The following PDE1C variants were observed in gnomAD, a reference collection of about 807,000 sequenced individuals.
PDE1C encodes phosphodiesterase 1C, also known as dual specificity calcium/calmodulin-dependent 3',5'-cyclic nucleotide phosphodiesterase 1C.
In PDE1C, 62 loss-of-function variants were observed where a neutral mutation model predicts 93.1. That is an observed-to-expected ratio of 0.67 (90% confidence interval 0.54 to 0.82). The LOEUF (loss-of-function observed/expected upper bound fraction) is 0.82, where lower values mean the gene tolerates loss of function less well. Ranked by LOEUF, PDE1C falls within the 40% of genes least tolerant of loss-of-function variation. The pLI, the probability that PDE1C is intolerant of heterozygous loss-of-function variation, is 0.00. For missense variants in PDE1C, 742 were observed against 884.6 expected, an observed-to-expected ratio of 0.84 and a Z score of 2.04; for synonymous variants, 325 against 310.1, an observed-to-expected ratio of 1.05 and a Z score of -0.50.
chr7:31,637,135 G>A, the PDE1C span, among the ~76,000 whole-genome samples: 178 of 151,784 alleles, frequency 1.2e-3, no homozygotes, highest in Admixed American at 1.8e-3. Flanking sequence ...CCAGTCTATC[G>A]TTGTTGGACA....
intron 3 of PDE1C, among the ~76,000 whole-genome samples, chr7:32,133,977 A>G (rs903203229): frequency 6.6e-6 from 1 of 151,852 alleles, no homozygotes; most frequent in African/African-American, 2.4e-5. Flanking sequence ...CATAATAGGA[A>G]TTTTAGAATT....
At position 32,130,630 on chromosome 7, in the gene PDE1C, A is replaced by G. The variant is rs1402748777; in HGVS notation, c.308+39155T>C. Reference sequence around the variant, plus strand: ...TCACTTCCTTAACTCCCTATGGTCCATCTTACAAACTCTTCTTGTCCCTGT... The same window carrying G: ...TCACTTCCTTAACTCCCTATGGTCCGTCTTACAAACTCTTCTTGTCCCTGT... On this transcript the variant is annotated intron_variant, in intron 3 of 18. Coordinates refer to the PDE1C transcript ENST00000396193. Among the ~76,000 whole-genome samples, 4 of 152,022 alleles carry G rather than the reference A, an allele frequency of 2.6e-5. No individual in the cohort carries two copies. The East Asian group carries it at 5.8e-4, about 22-fold the overall frequency.
chr7:32,321,343 T>C (rs1585107796), intron 1 of PDE1C, among the ~76,000 whole-genome samples: 1 of 152,182 alleles, frequency 6.6e-6, no homozygotes, highest in African/African-American at 2.4e-5. Context: ...TGACAATAAA[T>C]GTAGGAGGAG....
At chr7:31,890,848 AC>A (rs1450658836) in intron 2 of PDE1C, among the ~76,000 whole-genome samples, 1 of 152,122 alleles carries the variant, frequency 6.6e-6, no homozygotes, top group African/African-American at 2.4e-5. Flanking sequence ...ACCGTGAGAA[AC>A]CTCTAAGGTG....
At chr7:32,387,708 G>A (rs1215701280) in intron 1 of PDE1C, among the ~76,000 whole-genome samples, 93 of 140,076 alleles carry the variant, frequency 6.6e-4, no homozygotes, top group South Asian at 1.5e-3. Flanking sequence ...TCCCGGACGG[G>A]GCGGCTGGCC....
intron 2 of PDE1C, among the ~76,000 whole-genome samples, chr7:32,007,333 C>T (rs1209530951): frequency 1.3e-5 from 2 of 152,156 alleles, no homozygotes; most frequent in Non-Finnish European, 2.9e-5. Flanking sequence ...GCACGTCTAC[C>T]ACACTGGCCT....
At chr7:32,361,262 G>C (rs7811011) in intron 1 of PDE1C, among the ~76,000 whole-genome samples, 9,609 of 152,264 alleles carry the variant, frequency 0.063, 364 homozygotes, top group East Asian at 0.099. Flanking sequence ...TTTCACGGTA[G>C]GTGCAAAGGC....
intron 3 of PDE1C, among the ~76,000 whole-genome samples, chr7:32,110,116 T>C (rs1482634488): frequency 5.9e-5 from 9 of 152,216 alleles, no homozygotes; most frequent in Non-Finnish European, 1.3e-4. Flanking sequence ...AGCCTGCTAC[T>C]GCTTTTGTAA....
chr7:31,720,169 C>CAAAAAAAAAA, the PDE1C span, among the ~76,000 whole-genome samples: 2 of 50,128 alleles, frequency 4.0e-5, no homozygotes, highest in Non-Finnish European at 7.4e-5. Flanking sequence ...GACTCCGTCT[C>CAAAAAAAAAA]AAAAAAAAAA....
At chr7:31,821,031 T>C (rs1294789028) in intron 14 of PDE1C, 1 of 150,306 alleles carries the variant, frequency 6.7e-6, no homozygotes, top group Non-Finnish European at 1.5e-5. Flanking sequence ...CAATTCTCTC[T>C]CCCCTTCCCT....
At chr7:31,994,338 T>C (rs1784473650) in intron 2 of PDE1C, among the ~76,000 whole-genome samples, 1 of 152,188 alleles carries the variant, frequency 6.6e-6, no homozygotes, top group African/African-American at 2.4e-5. Flanking sequence ...AATTGAGGCA[T>C]TTCAAAATAA....
intron 2 of PDE1C, among the ~76,000 whole-genome samples, chr7:32,008,152 C>T (rs999299641): frequency 4.6e-4 from 70 of 152,286 alleles, no homozygotes; most frequent in African/African-American, 1.6e-3. Flanking sequence ...GAGCTACATG[C>T]CAGATATAAA....
intron 2 of PDE1C, among the ~76,000 whole-genome samples, chr7:31,984,112 G>A (rs1005470414): frequency 2.0e-5 from 3 of 152,070 alleles, no homozygotes; most frequent in Non-Finnish European, 4.4e-5. Context: ...CTAGATCAGG[G>A]GTCCGCAAAC....
At chr7:32,130,462 A>G (rs868193644) in intron 3 of PDE1C, among the ~76,000 whole-genome samples, 1 of 152,032 alleles carries the variant, frequency 6.6e-6, no homozygotes, top group Middle Eastern at 3.2e-3. Context: ...TATTCTGGAA[A>G]AAGTACCTCA....
At chr7:31,731,679 C>T in the PDE1C span, among the ~76,000 whole-genome samples, 3 of 152,310 alleles carry the variant, frequency 2.0e-5, no homozygotes, top group Non-Finnish European at 2.9e-5. Context: ...TGAGCCACTG[C>T]GCCTGGCCAG....
intron 2 of PDE1C, among the ~76,000 whole-genome samples, chr7:31,966,086 A>G (rs1429488553): frequency 6.6e-6 from 1 of 152,198 alleles, no homozygotes; most frequent in African/African-American, 2.4e-5. Flanking sequence ...TCATAATGAC[A>G]GGATCAAATT....
Position 31,992,681 on chromosome 7 carries a change from T to C in PDE1C, c.128+58873A>G, listed in dbSNP as rs537803932. 8.5e-5 allele frequency among the ~76,000 whole-genome samples: 13 copies of C among 152,358 alleles called. No homozygotes were observed. The South Asian group carries it at 1.2e-3, about 15-fold the overall frequency. ...GCAGAGCTCAGTTTCAATGGCTTGA[T>C]AGCAGAACAGAATAAATGGTTACAT... On this transcript the variant is annotated intron_variant, in intron 2 of 17. Coordinates refer to ENST00000396191, the MANE Select transcript of PDE1C (RefSeq NM_001191057.4).
intron 2 of PDE1C, among the ~76,000 whole-genome samples, chr7:31,903,562 G>C (rs1800240231): frequency 6.6e-6 from 1 of 151,986 alleles, no homozygotes; most frequent in African/African-American, 2.4e-5. Context: ...ATCAATTCCT[G>C]CATTAATACT....
At chr7:31,966,739 C>T (rs577501048) in intron 2 of PDE1C, among the ~76,000 whole-genome samples, 1 of 152,266 alleles carries the variant, frequency 6.6e-6, no homozygotes, top group East Asian at 1.9e-4. Flanking sequence ...TGTGAAAGAA[C>T]AGAAATTATA....
Sources: allele counts gnomAD v4.1 joint callset (sites outside exome capture counted in the v4.1 genomes callset), GRCh38; gene constraint gnomAD v4.1.1; transcripts MANE v1.5; gene names NCBI Gene and HGNC (gene_info 2026-07-23, HGNC 2026-07-21).